CTSB: variants seen among roughly 807,000 people sequenced by gnomAD.
The protein encoded by CTSB is APP secretase.
In CTSB, 57 loss-of-function variants were observed where a neutral mutation model predicts 44.3. The observed-to-expected ratio is 1.29, with a 90% confidence interval of 1.04 to 1.60. CTSB has a LOEUF of 1.60. Among genes scored for constraint, CTSB ranks in the 40% most tolerant of loss-of-function variants. CTSB has a pLI of 0.00. For missense variants in CTSB, 768 were observed against 443.0 expected (o/e 1.73, Z -6.59); for synonymous variants, 320 against 168.0 (o/e 1.91, Z -7.00).
chr8:11,859,283 T>A (rs1396775558), intron 1 of CTSB, among the ~76,000 whole-genome samples: 1 of 152,014 alleles, frequency 6.6e-6, no homozygotes, highest in Admixed American at 6.6e-5. Flanking sequence ...CCAGAGCACC[T>A]TCCTCCCCCG....
intron 1 of CTSB, among the ~76,000 whole-genome samples, chr8:11,855,079 A>G (rs1205986782): frequency 6.6e-6 from 1 of 152,040 alleles, no homozygotes; most frequent in Non-Finnish European, 1.5e-5. Flanking sequence ...CTGGAGTGCA[A>G]TGGCATGATC....
In CTSB at chr8:11,852,616, G is replaced by T; in HGVS notation, c.206C>A (p.Pro69His). Residue 69 changes from proline (P) to histidine (H), a missense_variant, in exon 3 of 10, where the codon CCC becomes CAC. Transcript: ENST00000353047. ...CAGAGGAGCAGGCACTCACCTCTGG[G>T]GTGGCTTGGGCCCACCCAGGAAGGT... Reference protein sequence around the residue: ...CGTFLGGPKPPQRVMFTEDLK... With the variant: ...CGTFLGGPKPHQRVMFTEDLK... 6.2e-7 allele frequency: 1 copy of T among 1,613,258 alleles called. No homozygotes were observed.
intron 7 of CTSB, 108 bp downstream of exon 7, chr8:11,847,571 C>T: frequency 7.9e-7 from 1 of 1,262,440 alleles, no homozygotes; most frequent in South Asian, 1.7e-5. Context: ...TCCTAGAGTT[C>T]CGGGACCCCA....
chr8:11,844,911 G>C lies in CTSB; in HGVS notation c.*214C>G. The stretch of plus-strand genomic sequence containing the variant: ...TAGTCTACAGGGGGAAGGACGCTCT[G>C]TGCTGGCAGCGGTGGCTCACATGGC... On this transcript the variant is annotated 3_prime_UTR_variant, in exon 10 of 10. Transcript: ENST00000353047. 1.7e-6 allele frequency: 1 copy of C among 575,540 alleles called. No homozygotes were observed. The highest frequency in any genetic ancestry group is 2.9e-5 in the East Asian group (1 of 35,070). The allele number at this position is 575,540 out of a possible 1,614,324, so 35.7% of individuals were successfully genotyped here. A position where few individuals can be genotyped will look rare whatever the true frequency, so the allele number is the denominator to read the frequency against.
At chr8:11,858,528 G>C (rs1815890080) in intron 1 of CTSB, among the ~76,000 whole-genome samples, 1 of 152,208 alleles carries the variant, frequency 6.6e-6, no homozygotes, top group Admixed American at 6.5e-5. Context: ...GGACTCAAGT[G>C]ATCTGCCCGC....
rs746059371 is a variant in CTSB at position 11,847,078 on chromosome 8, T to C, written c.767A>G (p.Tyr256Cys). The C allele has an allele frequency of 6.4e-6, 10 of 1,562,040 alleles. No homozygotes were observed. Among genetic ancestry groups the C allele is most frequent in the Non-Finnish European group, 8.7e-6 (10 of 1,146,546 alleles). Residue 256 changes from tyrosine to cysteine, a missense_variant, in exon 8 of 10, where the codon TAT (tyrosine) becomes TGT (cysteine). Transcript: ENST00000353047. ...NGPVEGAFSV[Y>C]SDFLLYKSGV... is the part of the protein sequence containing the mutation. ...TGACTTGTAGAGCAGGAAGTCCGAA[T>C]ACACAGAGAAAGCTCCCTCCACGGG...
At chr8:11,853,278 C>T (rs1776709609) in intron 2 of CTSB, 51 bp downstream of exon 2, 2 of 1,602,524 alleles carry the variant, frequency 1.2e-6, no homozygotes, top group Middle Eastern at 1.7e-4. Flanking sequence ...AGTCAGTGTG[C>T]ACAGACCGAC....
In CTSB at chr8:11,843,035, G is replaced by C. The variant is rs1007126893; in HGVS notation, c.*2090C>G. On this transcript the variant is annotated 3_prime_UTR_variant, in exon 10 of 10. Coordinates refer to ENST00000353047, the MANE Select transcript of CTSB (RefSeq NM_001908.5). The stretch of plus-strand genomic sequence containing the variant: ...ACTGTCTTGGCTCACTGCAACCTCC[G>C]CCTCCCGGGTTCAAGCGATTCTCCT... The C allele has an allele frequency of 7.0e-6, 1 of 142,014 alleles. No individual in the cohort carries two copies. The highest frequency in any genetic ancestry group is 2.7e-5 in the African/African-American group (1 of 37,450). The allele number at this position is 142,014 out of a possible 1,614,324, so 8.8% of individuals were successfully genotyped here. A position where few individuals can be genotyped will look rare whatever the true frequency, so the allele number is the denominator to read the frequency against.
Position 11,853,280 on chromosome 8 carries a change from C to A in CTSB, c.126+49G>T, listed in dbSNP as rs1296307265. 5 of 1,603,996 alleles carry A rather than the reference C, an allele frequency of 3.1e-6. No homozygotes were observed. The East Asian group carries it at 6.7e-5, about 22-fold the overall frequency. ...TTCCCATTCCTGGAGTCAGTGTGCA[C>A]AGACCGACCTGGGAGGGGACATACA... is the stretch of plus-strand genomic sequence containing the variant. On this transcript the variant is annotated intron_variant, in intron 2 of 9. Coordinates refer to ENST00000353047, the MANE Select transcript of CTSB (RefSeq NM_001908.5).
chr8:11,850,432 A>G (rs1427266475), intron 4 of CTSB, among the ~76,000 whole-genome samples: 1 of 148,498 alleles, frequency 6.7e-6, no homozygotes, highest in Non-Finnish European at 1.5e-5. Flanking sequence ...AAAAAAAAAA[A>G]AAAAAAAAAG....
At chr8:11,853,292 G>A (rs749139220) in intron 2 of CTSB, 37 bp downstream of exon 2, 1 of 1,609,926 alleles carries the variant, frequency 6.2e-7, no homozygotes, top group South Asian at 1.1e-5. Context: ...GACCGACCTG[G>A]GAGGGGACAT....
chr8:11,852,014 T>C (rs965958094), intron 3 of CTSB, among the ~76,000 whole-genome samples: 129 of 152,302 alleles, frequency 8.5e-4, no homozygotes, highest in African/African-American at 3.0e-3. Flanking sequence ...AGATTGAGTC[T>C]GCCCACATAG....
chr8:11,866,207 GAAAGA>G (rs781499529), intron 1 of CTSB, among the ~76,000 whole-genome samples: 1 of 152,096 alleles, frequency 6.6e-6, no homozygotes, highest in Non-Finnish European at 1.5e-5. Context: ...AGCAGCTGGG[GAAAGA>G]AAAGAACCTG....
intron 1 of CTSB, 138 bp from the exon 2 acceptor site, chr8:11,853,617 G>C (rs1815001629): frequency 3.7e-6 from 3 of 802,660 alleles, no homozygotes; most frequent in Middle Eastern, 3.8e-4. Context: ...AAGGAGCTGA[G>C]GTGTCTATGG....
Position 11,861,514 on chromosome 8 carries a change from C to A in CTSB, c.-26+6487G>T, listed in dbSNP as rs1051033320. On this transcript the variant is annotated intron_variant, in intron 1 of 9. Coordinates refer to ENST00000353047, the MANE Select transcript of CTSB (RefSeq NM_001908.5). The stretch of plus-strand genomic sequence containing the variant: ...GAATATTGTACAAGGTCAGCCACAG[C>A]AACCCCACATCCTGCAGACAAAATG... 5 of 152,338 alleles carry A rather than the reference C, an allele frequency of 3.3e-5. No individual in the cohort carries two copies. In the South Asian group the frequency reaches 6.2e-4, roughly 19 times the overall value. The allele number at this position is 152,338 out of a possible 1,614,324, so 9.4% of individuals were successfully genotyped here.
In CTSB at chr8:11,847,773, G is replaced by A. The variant is rs2230070; in HGVS notation, c.582C>T (p.Ser194=). The A allele has an allele frequency of 1.5e-3, 2,477 of 1,599,910 alleles. 34 individuals are homozygous for A. In the African/African-American group the frequency reaches 0.025, roughly 16 times the overall value. Residue 194 remains serine, a synonymous_variant, in exon 7 of 10, where the codon TCC becomes TCT. Transcript: ENST00000353047. The part of the protein sequence containing the change: ...IPPCEHHVNG[S]RPPCTGEGDT... The stretch of plus-strand genomic sequence containing the variant: ...CTCCCTCCCCCGTGCATGGGGGCCG[G>A]GAGCCGTTGACGTGGTGCTCACAGG...
chr8:11,848,181 CT>C, intron 5 of CTSB, 29 bp from the exon 6 acceptor site: 1 of 1,593,384 alleles, frequency 6.3e-7, no homozygotes, highest in Non-Finnish European at 8.6e-7. Flanking sequence ...ATGAAAACCT[CT>C]GAGAGAAGCA....
chr8:11,850,297 T>C (rs907583661), intron 4 of CTSB, among the ~76,000 whole-genome samples: 2 of 151,528 alleles, frequency 1.3e-5, no homozygotes, highest in African/African-American at 4.9e-5. Flanking sequence ...CACATGCCTG[T>C]AGTCTTAGCT....
intron 3 of CTSB, among the ~76,000 whole-genome samples, chr8:11,851,561 T>C (rs1272685983): frequency 6.6e-6 from 1 of 152,180 alleles, no homozygotes; most frequent in Non-Finnish European, 1.5e-5. Flanking sequence ...ATCCACAAAT[T>C]ATAAACTCAT....
Sources: gnomAD v4.1 joint callset for allele counts (sites outside exome capture counted in the v4.1 genomes callset) on GRCh38, gnomAD v4.1.1 for gene constraint, MANE v1.5 for transcripts, NCBI Gene and HGNC (gene_info 2026-07-23, HGNC 2026-07-21) for gene names.